The following ADAMTS15 variants were observed in gnomAD, a reference collection of about 807,000 sequenced individuals.
ADAMTS15 encodes A disintegrin and metalloproteinase with thrombospondin motifs 15.
Under a neutral mutation model 79.1 loss-of-function variants are expected in ADAMTS15, and 35 were observed. The observed-to-expected ratio is 0.44, with a 90% CI of 0.34 to 0.59. ADAMTS15 has a LOEUF of 0.59. ADAMTS15 is among the 20% of genes least tolerant of loss of function. The pLI is 0.02. For synonymous variants in ADAMTS15, 616 were observed against 567.3 expected (o/e 1.09, Z -1.22); for missense variants, 1,324 against 1,318.7 (o/e 1.00, Z -0.06).
intron 4 of ADAMTS15, among the ~76,000 whole-genome samples, chr11:130,465,220 A>T (rs1342344096): frequency 6.6e-6 from 1 of 152,072 alleles, no homozygotes; most frequent in East Asian, 1.9e-4. Context: ...CCAAGTAATC[A>T]GAAGGGAACT....
rs1938374602 is a variant in ADAMTS15, at chr11:130,469,361, C to T, written c.1642C>T (p.Pro548Ser). ...CAGGAGGCAGTGCACCAACCCCACC[C>T]CTGCCAACGGGGGCAAGTACTGCGA... is the stretch of plus-strand genomic sequence containing the variant. ...LARRQCTNPTPANGGKYCEGV... is the reference protein window; with the variant it reads ...LARRQCTNPTSANGGKYCEGV... The change falls in exon 5 of 8, where the codon CCT (proline) becomes TCT (serine). Residue 548 changes from proline to serine, a missense_variant. Transcript: ENST00000299164. The T allele has an allele frequency of 7.4e-7, 1 of 1,357,944 alleles. No individual in the cohort carries two copies. The highest frequency in any genetic ancestry group is 9.6e-7 in the Non-Finnish European group (1 of 1,046,460). 84.1% of individuals were successfully genotyped at this position (1,357,944 alleles called of 1,614,324 possible).
At chr11:130,461,748 C>A in intron 2 of ADAMTS15, 127 bp downstream of exon 2, 1 of 1,382,298 alleles carries the variant, frequency 7.2e-7, no homozygotes, top group Non-Finnish European at 9.7e-7. Flanking sequence ...CACAGTGAGC[C>A]TTAGCAGCAG....
chr11:130,455,381 A>G (rs766403337), intron 1 of ADAMTS15, among the ~76,000 whole-genome samples: 18 of 152,176 alleles, frequency 1.2e-4, no homozygotes, highest in Non-Finnish European at 2.5e-4. Flanking sequence ...CAATTTTTGT[A>G]TGGAAGCTAT....
At chr11:130,467,835 C>A (rs559801755) in intron 4 of ADAMTS15, among the ~76,000 whole-genome samples, 1 of 151,030 alleles carries the variant, frequency 6.6e-6, no homozygotes, top group East Asian at 1.9e-4. Flanking sequence ...CAAAGCCAAA[C>A]CGAGTTTTAG....
intron 1 of ADAMTS15, among the ~76,000 whole-genome samples, chr11:130,455,892 G>A (rs1019120531): frequency 6.6e-6 from 1 of 152,142 alleles, no homozygotes; most frequent in South Asian, 2.1e-4. Context: ...CTCTCCCCAG[G>A]CCTCTCCCCA....
chr11:130,464,945 T>C (rs1938270776), intron 4 of ADAMTS15, among the ~76,000 whole-genome samples: 1 of 145,504 alleles, frequency 6.9e-6, no homozygotes, highest in African/African-American at 2.6e-5. Flanking sequence ...CCAGCCTGGG[T>C]GACAGAGTGA....
intron 4 of ADAMTS15, among the ~76,000 whole-genome samples, chr11:130,464,936 C>T (rs1938270485): frequency 1.3e-5 from 2 of 150,340 alleles, no homozygotes; most frequent in Admixed American, 1.3e-4. Flanking sequence ...CACTGCACTC[C>T]AGCCTGGGTG....
Position 130,449,487 on chromosome 11 carries a change from T to C in ADAMTS15, c.514T>C (p.Ser172Pro). Residue 172 changes from serine to proline, a missense_variant, in exon 1 of 8, where the codon TCT becomes CCT. Transcript: ENST00000299164. The surrounding 1 kb of genome is among the most constrained non-coding windows in gnomAD (Gnocchi z 7.8). Reference sequence around the variant, plus strand: ...GGGCGGGCCTTCCGGAGACCCCACCTCTCGCTGCGGGGTGGCCTCGGGCTG... The same window carrying C: ...GGGCGGGCCTTCCGGAGACCCCACCCCTCGCTGCGGGGTGGCCTCGGGCTG... ...VPGGPSGDPT[S>P]RCGVASGWNP... 6.4e-7 allele frequency: 1 copy of C among 1,559,378 alleles called. No homozygotes were observed. The highest frequency in any genetic ancestry group is 8.7e-7 in the Non-Finnish European group (1 of 1,155,492).
chr11:130,471,621 T>C (rs534510752), intron 7 of ADAMTS15, among the ~76,000 whole-genome samples: 23 of 152,214 alleles, frequency 1.5e-4, no homozygotes, highest in African/African-American at 5.1e-4. Context: ...GAAGACCCAC[T>C]TAACAGGAGA....
chr11:130,473,405 A>G lies in ADAMTS15; in HGVS notation c.2437A>G (p.Lys813Glu). The G allele has an allele frequency of 6.2e-7, 1 of 1,612,724 alleles. No homozygotes were observed. Among genetic ancestry groups the G allele is most frequent in the Non-Finnish European group, 8.5e-7 (1 of 1,179,990 alleles). Residue 813 changes from lysine (K) to glutamate (E), a missense_variant, in exon 8 of 8, where the codon AAG becomes GAG. Coordinates refer to ENST00000299164, the MANE Select transcript of ADAMTS15 (RefSeq NM_139055.4). ...EPREDKSSHP[K>E]DPRGPSVLHN... Reference sequence around the variant, plus strand: ...TCGGGAGGACAAGTCCTCTCATCCCAAGGACCCCCGGGGACCCTCTGTCTT... The same window carrying G: ...TCGGGAGGACAAGTCCTCTCATCCCGAGGACCCCCGGGGACCCTCTGTCTT...
chr11:130,449,207 C>G lies in ADAMTS15; in HGVS notation c.234C>G (p.Ala78=), dbSNP rs771391768. 1 of 1,614,120 alleles carries G rather than the reference C, an allele frequency of 6.2e-7. No homozygotes were observed. Among genetic ancestry groups the G allele is most frequent in the South Asian group, 1.1e-5 (1 of 91,078 alleles). ...LTPDAQFLAP[A]FSTEHLGVPL... ...CGGATGCTCAGTTCTTGGCTCCCGC[C>G]TTCTCCACTGAGCATCTGGGCGTCC... Residue 78 remains alanine, a synonymous_variant, in exon 1 of 8, where the codon GCC becomes GCG. Transcript: ENST00000299164. The surrounding 1 kb of genome is among the most constrained non-coding windows in gnomAD (Gnocchi z 7.8).
At chr11:130,471,511 C>T in intron 7 of ADAMTS15, 128 bp downstream of exon 7, 1 of 980,006 alleles carries the variant, frequency 1.0e-6, no homozygotes, top group South Asian at 2.0e-5. Flanking sequence ...CTGCAGAGGC[C>T]ACCCATACCC....
rs1224810080 is a variant in ADAMTS15 at position 130,454,120 on chromosome 11, TTTTG to T, written c.957+4202_957+4205del. Among the ~76,000 whole-genome samples the T allele has an allele frequency of 1.5e-3, 231 of 152,304 alleles. 1 individual carries two copies. The highest frequency in any genetic ancestry group is 5.2e-3 in the African/African-American group (217 of 41,564). On this transcript the variant is annotated intron_variant, in intron 1 of 7. Transcript: ENST00000299164. ...GGCGTGAGCCACTGCGCCTGGTCTATTTTGTTTGTTTGTTTTTTTCCTGTTGCCT... is the reference window on the plus strand; with the variant it reads ...GGCGTGAGCCACTGCGCCTGGTCTATTTTGTTTGTTTTTTTCCTGTTGCCT...
chr11:130,454,677 G>C (rs77077275), intron 1 of ADAMTS15, among the ~76,000 whole-genome samples: 1 of 152,186 alleles, frequency 6.6e-6, no homozygotes, highest in Non-Finnish European at 1.5e-5. Context: ...CCTTCTGGGA[G>C]GGAGGAGGGA....
Position 130,462,204 on chromosome 11 carries a change from G to A in ADAMTS15, c.1208G>A (p.Trp403Ter). The A allele has an allele frequency of 6.2e-7, 1 of 1,614,170 alleles. No individual in the cohort carries two copies. ...ATCCAGATCGACCGTGCCAACCCCT[G>A]GTCAGCCTGCAGTGCTGCCATCATC... ...TLIQIDRANPWSACSAAIITD... is the reference protein window; with the variant it reads ...TLIQIDRANP The change falls in exon 3 of 8, where the codon TGG (tryptophan) becomes TAG (stop). Residue 403 changes from tryptophan to a stop codon, truncating the protein, a stop_gained. Transcript: ENST00000299164. LOFTEE classifies it high-confidence loss of function. This position sits in a 1 kb window ranked among gnomAD's most constrained non-coding sequence, Gnocchi z 4.3.
chr11:130,448,928 C>G lies in ADAMTS15; in HGVS notation c.-46C>G, dbSNP rs747227060. On this transcript the variant is annotated 5_prime_UTR_variant, in exon 1 of 8. Coordinates refer to ENST00000299164, the MANE Select transcript of ADAMTS15 (RefSeq NM_139055.4). ...GAGACCGCGGCAGCGGCCGGAGAGC[C>G]CGGCCCAGCCCCTTCCCACAGCGCG... 7.2e-7 allele frequency: 1 copy of G among 1,398,108 alleles called. No homozygotes were observed. The highest frequency in any genetic ancestry group is 9.4e-7 in the Non-Finnish European group (1 of 1,067,336). 86.6% of individuals were successfully genotyped at this position (1,398,108 alleles called of 1,614,324 possible). A position where few individuals can be genotyped will look rare whatever the true frequency, so the allele number is the denominator to read the frequency against.
chr11:130,473,937 C>A lies in ADAMTS15; in HGVS notation c.*116C>A. On this transcript the variant is annotated 3_prime_UTR_variant, in exon 8 of 8. Transcript: ENST00000299164. ...GGGGCTCACGCCACGATGTCACCCA[C>A]ATCCGGGGACAAGGACCATGGGCTG... 1 of 1,354,340 alleles carries A rather than the reference C, an allele frequency of 7.4e-7. No individual in the cohort carries two copies. Among genetic ancestry groups the A allele is most frequent in the Non-Finnish European group, 9.8e-7 (1 of 1,019,816 alleles). 83.9% of individuals were successfully genotyped at this position (1,354,340 alleles called of 1,614,324 possible).
intron 4 of ADAMTS15, among the ~76,000 whole-genome samples, chr11:130,464,805 A>G (rs1938268660): frequency 1.3e-5 from 2 of 151,944 alleles, no homozygotes; most frequent in African/African-American, 4.8e-5. Context: ...CATGTCTGCA[A>G]AAAATACACA....
chr11:130,470,158 A>ATATATATATATATATATATATATGTG (rs1938404374), intron 5 of ADAMTS15, among the ~76,000 whole-genome samples: 1 of 50,038 alleles, frequency 2.0e-5, no homozygotes, highest in Admixed American at 1.9e-4. Context: ...ATATGTGTAT[A>ATATATATATATATATATATATATGTG]TATATATATA....
Sources: gnomAD v4.1 joint callset for allele counts (sites outside exome capture counted in the v4.1 genomes callset) on GRCh38, gnomAD v4.1.1 for gene constraint, Gnocchi (gnomAD v3.1) non-coding constraint, MANE v1.5 for transcripts, NCBI Gene and HGNC (gene_info 2026-07-23, HGNC 2026-07-21) for gene names.